Variants in IPO7 observed in about 807,000 individuals in gnomAD.
IPO7 encodes importin-7.
IPO7 carries 13 observed loss-of-function variants against 136.4 expected under a neutral mutation model. That is an observed-to-expected ratio of 0.10 (90% CI 0.06 to 0.15). The LOEUF is 0.15. IPO7 is among the 10% of genes least tolerant of loss of function. The pLI is 1.00. For missense variants in IPO7, 857 were observed against 1,240.6 expected (o/e 0.69, Z 4.65); for synonymous variants, 403 against 404.4 (o/e 1.00, Z 0.04).
intron 1 of IPO7, among the ~76,000 whole-genome samples, chr11:9,387,514 T>C (rs896991388): frequency 6.6e-6 from 1 of 152,222 alleles, no homozygotes; most frequent in Non-Finnish European, 1.5e-5. Context: ...TGATTTGTCA[T>C]ACATATTTGG....
chr11:9,389,211 G>GA (rs1854594232), intron 1 of IPO7, among the ~76,000 whole-genome samples: 4 of 151,824 alleles, frequency 2.6e-5, no homozygotes, highest in Non-Finnish European at 4.4e-5. Flanking sequence ...ACCACATCTG[G>GA]CCAATTTTTG....
chr11:9,440,603 C>A lies in IPO7; in HGVS notation c.2844C>A (p.Ile948=), dbSNP rs1855448872. 6.2e-7 allele frequency: 1 copy of A among 1,613,752 alleles called. No individual in the cohort carries two copies. Among genetic ancestry groups the A allele is most frequent in the Non-Finnish European group, 8.5e-7 (1 of 1,179,828 alleles). Reference sequence around the variant, plus strand: ...CTGCTCTGGAAGGCTATTCCACAATCATTGATGATGAAGATAACCCTGTTG... The same window carrying A: ...CTGCTCTGGAAGGCTATTCCACAATAATTGATGATGAAGATAACCCTGTTG... The part of the protein sequence containing the change: ...EETALEGYST[I]IDDEDNPVDE... Residue 948 remains isoleucine (I), a synonymous_variant, in exon 23 of 25, where the codon ATC becomes ATA. Coordinates refer to ENST00000379719, the MANE Select transcript of IPO7 (RefSeq NM_006391.3).
At chr11:9,394,253 T>TTTCC (rs761721221) in intron 1 of IPO7, among the ~76,000 whole-genome samples, 10 of 152,184 alleles carry the variant, frequency 6.6e-5, no homozygotes, top group Non-Finnish European at 1.3e-4. Context: ...TGTTAGTGAG[T>TTTCC]GGAATGCTAG....
intron 8 of IPO7, 71 bp downstream of exon 8, chr11:9,420,769 C>T (rs1356558495): frequency 4.7e-6 from 5 of 1,068,244 alleles, no homozygotes; most frequent in Non-Finnish European, 5.7e-6. Flanking sequence ...TGCTTATTCC[C>T]AGTTTCTTTG....
intron 12 of IPO7, among the ~76,000 whole-genome samples, chr11:9,426,481 T>C (rs1855209767): frequency 6.6e-6 from 1 of 152,210 alleles, no homozygotes; most frequent in Admixed American, 6.5e-5. Flanking sequence ...GTTTAAATTT[T>C]TATGTGGACA....
intron 12 of IPO7, among the ~76,000 whole-genome samples, chr11:9,425,602 G>A (rs549315507): frequency 2.6e-5 from 4 of 152,110 alleles, no homozygotes; most frequent in South Asian, 2.1e-4. Context: ...TCCGCCGGGC[G>A]TGATGGCTCA....
At position 9,433,745 on chromosome 11, in the gene IPO7, T is replaced by C. The variant is rs1366711085; in HGVS notation, c.1973T>C (p.Leu658Ser). 6.2e-7 allele frequency: 1 copy of C among 1,612,468 alleles called. No individual in the cohort carries two copies. The highest frequency in any genetic ancestry group is 8.5e-7 in the Non-Finnish European group (1 of 1,179,936). ...VLEFYEEIFS[L>S]AHSLTCQQVS... ...GAATTCTATGAGGAGATCTTCTCTT[T>C]AGCGCACAGTTTGACATGTCAACAA... The change falls in exon 18 of 25, where the codon TTA becomes TCA. Residue 658 changes from leucine to serine, a missense_variant. Physicochemically the swap from Leu to Ser is moderately radical, Grantham distance 145 (BLOSUM62 -2). This residue lies in a region of IPO7 where 190 missense variants were observed against 249.0 expected (regional missense o/e 0.76). Coordinates refer to ENST00000379719, the MANE Select transcript of IPO7 (RefSeq NM_006391.3).
At chr11:9,393,292 A>G (rs930020779) in intron 1 of IPO7, among the ~76,000 whole-genome samples, 3 of 152,250 alleles carry the variant, frequency 2.0e-5, no homozygotes, top group South Asian at 2.1e-4. Context: ...CTGAAAAAGC[A>G]GACTGGAGAT....
At chr11:9,408,040 C>CTT (rs890764800) in intron 2 of IPO7, among the ~76,000 whole-genome samples, 30 of 151,992 alleles carry the variant, frequency 2.0e-4, no homozygotes, top group African/African-American at 6.3e-4. Flanking sequence ...GATTAAGAAC[C>CTT]TTTATATGCT....
chr11:9,403,667 A>T lies in IPO7; in HGVS notation c.166+296A>T, dbSNP rs1854832796. On this transcript the variant is annotated intron_variant, in intron 2 of 24. Coordinates refer to ENST00000379719, the MANE Select transcript of IPO7 (RefSeq NM_006391.3). ...CCTGATGGGTGATTATAAGACTCAA[A>T]CATGTTTGTTTATATAGTCATCTCT... The T allele has an allele frequency of 2.7e-5, 8 of 294,628 alleles. No individual in the cohort carries two copies. The South Asian group carries it at 4.9e-4, about 18-fold the overall frequency. 18.3% of individuals were successfully genotyped at this position (294,628 alleles called of 1,614,324 possible). A position where few individuals can be genotyped will look rare whatever the true frequency, so the allele number is the denominator to read the frequency against.
intron 1 of IPO7, among the ~76,000 whole-genome samples, chr11:9,388,949 C>T (rs1164038326): frequency 4.6e-5 from 7 of 151,938 alleles, no homozygotes; most frequent in African/African-American, 1.5e-4. Flanking sequence ...TATTGTTATT[C>T]CTTGATTTCC....
chr11:9,436,419 ACTTT>A (rs1855369401), intron 20 of IPO7, 53 bp downstream of exon 20: 3 of 1,239,378 alleles, frequency 2.4e-6, no homozygotes, highest in Non-Finnish European at 3.5e-6. Context: ...TTTTCCTTCC[ACTTT>A]CTTTCTTCAT....
rs1285163829 is a variant in IPO7, at chr11:9,447,821, G to C, written c.*2627G>C. On this transcript the variant is annotated 3_prime_UTR_variant, in exon 25 of 25. Coordinates refer to ENST00000379719, the MANE Select transcript of IPO7 (RefSeq NM_006391.3). ...AAGGAAGTTAATCTGTTTCTCTGCA[G>C]GTAATAAAATAGTGACACACTGTAT... is the stretch of plus-strand genomic sequence containing the variant. 1 of 151,890 alleles carries C rather than the reference G, an allele frequency of 6.6e-6. No homozygotes were observed. Among genetic ancestry groups the C allele is most frequent in the African/African-American group, 2.4e-5 (1 of 41,340 alleles). 9.4% of individuals were successfully genotyped at this position (151,890 alleles called of 1,614,324 possible). A position where few individuals can be genotyped will look rare whatever the true frequency, so the allele number is the denominator to read the frequency against.
chr11:9,399,296 G>A (rs897338940), intron 1 of IPO7, among the ~76,000 whole-genome samples: 3 of 151,860 alleles, frequency 2.0e-5, no homozygotes, highest in African/African-American at 7.3e-5. Context: ...CCGAGTAGCT[G>A]GGATTACAGG....
At chr11:9,419,560 AT>A (rs67364606) in intron 6 of IPO7, among the ~76,000 whole-genome samples, 14,438 of 80,908 alleles carry the variant, frequency 0.18, 798 homozygotes, top group Non-Finnish European at 0.2. Context: ...AAAAAAAAAA[AT>A]ATATATATAT....
rs534983183 is a variant in IPO7, at chr11:9,427,479, C to T, written c.1336-1061C>T. Among the ~76,000 whole-genome samples the T allele has an allele frequency of 7.2e-5, 11 of 152,284 alleles. No individual in the cohort carries two copies. In the South Asian group the frequency reaches 2.1e-3, roughly 29 times the overall value. ...TTCACCATGTTGGCCTGGCTGGTCTCGAACTCCTGACCTCAGGTGATCCAC... is the reference window on the plus strand; with the variant it reads ...TTCACCATGTTGGCCTGGCTGGTCTTGAACTCCTGACCTCAGGTGATCCAC... On this transcript the variant is annotated intron_variant, in intron 12 of 24. Transcript: ENST00000379719.
intron 5 of IPO7, among the ~76,000 whole-genome samples, chr11:9,416,754 A>G (rs77886233): frequency 0.038 from 5,834 of 152,320 alleles, 353 homozygotes; most frequent in African/African-American, 0.12. Flanking sequence ...CTTTGAAAAA[A>G]ATAAACAACT....
At chr11:9,434,667 C>G (rs968125103) in intron 18 of IPO7, among the ~76,000 whole-genome samples, 7 of 152,082 alleles carry the variant, frequency 4.6e-5, no homozygotes, top group African/African-American at 1.7e-4. Flanking sequence ...GTGGCGTGTG[C>G]CTATAGTCCC....
chr11:9,406,104 CTTTTTTTTTTTTT>C (rs71062847), intron 2 of IPO7, among the ~76,000 whole-genome samples: 3 of 61,816 alleles, frequency 4.9e-5, no homozygotes, highest in Non-Finnish European at 7.7e-5. Context: ...TGAGGCTGGT[CTTTTTTTTTTTTT>C]TTTTTTTTTT....
Sources: allele counts gnomAD v4.1 joint callset (sites outside exome capture counted in the v4.1 genomes callset), GRCh38; gene constraint gnomAD v4.1.1; regional missense constraint gnomAD v4.1.1; transcripts MANE v1.5; gene names NCBI Gene and HGNC (gene_info 2026-07-23, HGNC 2026-07-21).